The following GOLGA4 variants were observed in gnomAD, a reference collection of about 807,000 sequenced individuals.
GOLGA4 encodes golgin A4, also known as golgin subfamily A member 4.
A neutral mutation model predicts 265.9 loss-of-function variants in GOLGA4; 169 were observed. The observed-to-expected ratio is 0.64, with a 90% CI of 0.56 to 0.72. The LOEUF (loss-of-function observed/expected upper bound fraction) is 0.72, where lower values mean the gene tolerates loss of function less well. Among genes scored for constraint, GOLGA4 ranks in the 30% least tolerant of loss-of-function variants. The pLI is 0.00. For synonymous variants in GOLGA4, 923 were observed against 855.8 expected (o/e 1.08, Z -1.37); for missense variants, 2,482 against 2,483.4 (o/e 1.00, Z 0.01).
chr3:37,257,947 ATGTATG>A (rs1244175019), intron 2 of GOLGA4, among the ~76,000 whole-genome samples: 2 of 110,270 alleles, frequency 1.8e-5, no homozygotes, highest in African/African-American at 7.7e-5. Context: ...ATACATATAT[ATGTATG>A]TATATATGTA....
At chr3:37,276,357 G>A in intron 2 of GOLGA4, 1 of 1,607,480 alleles carries the variant, frequency 6.2e-7, no homozygotes, top group Non-Finnish European at 8.5e-7. Context: ...TTATTTGCTA[G>A]AATGACAGCA....
At position 37,327,761 on chromosome 3, in the gene GOLGA4, G is replaced by A; in HGVS notation, c.5875G>A (p.Glu1959Lys). The A allele has an allele frequency of 1.2e-6, 2 of 1,612,624 alleles. No individual in the cohort carries two copies. Among genetic ancestry groups the A allele is most frequent in the South Asian group, 1.1e-5 (1 of 90,968 alleles). ...LQKDLRMLRKEHQQELEILKK... is the reference protein window; with the variant it reads ...LQKDLRMLRKKHQQELEILKK... ...GAAAGACCTTCGAATGTTGAGAAAG[G>A]AGCATCAGCAAGAATTGGAAATACT... Residue 1959 changes from glutamate (E) to lysine (K), a missense_variant, in exon 14 of 24, where the codon GAG becomes AAG. Glu to Lys is a moderately conservative substitution (Grantham distance 56). Transcript: ENST00000361924.
At position 37,256,067 on chromosome 3, in the gene GOLGA4, A is replaced by T. The variant is rs373895295; in HGVS notation, c.162+4583A>T. Among the ~76,000 whole-genome samples, 6 of 152,182 alleles carry T rather than the reference A, an allele frequency of 3.9e-5. No homozygotes were observed. The East Asian group carries it at 5.8e-4, about 15-fold the overall frequency. ...GGAAATGGTTTTTCAATATGGTGTGAAGTAGGGATCAAGTTTCATCCCCTC... is the reference window on the plus strand; with the variant it reads ...GGAAATGGTTTTTCAATATGGTGTGTAGTAGGGATCAAGTTTCATCCCCTC... On this transcript the variant is annotated intron_variant, in intron 2 of 23. Coordinates refer to ENST00000361924, the MANE Select transcript of GOLGA4 (RefSeq NM_002078.5).
chr3:37,266,715 G>C (rs1038873131), intron 2 of GOLGA4: 33 of 331,314 alleles, frequency 1.0e-4, no homozygotes, highest in African/African-American at 6.7e-4. Context: ...TGGTGATGGT[G>C]GTACTGAAGG....
At chr3:37,309,018 A>G (rs2096915355) in intron 10 of GOLGA4, among the ~76,000 whole-genome samples, 1 of 151,606 alleles carries the variant, frequency 6.6e-6, no homozygotes, top group African/African-American at 2.4e-5. Context: ...TGGGAGGCCG[A>G]GGTGGGTGGA....
chr3:37,362,780 C>CCTTTT (rs1375290747), intron 23 of GOLGA4, among the ~76,000 whole-genome samples: 24 of 75,458 alleles, frequency 3.2e-4, no homozygotes, highest in African/African-American at 1.1e-3. Context: ...AGCCTCTAAG[C>CCTTTT]TTTTTTTTTT....
chr3:37,313,963 G>GT (rs2096930031), intron 10 of GOLGA4, among the ~76,000 whole-genome samples: 1 of 137,116 alleles, frequency 7.3e-6, no homozygotes, highest in Non-Finnish European at 1.6e-5. Context: ...AAACACACAT[G>GT]TATTTTTTTT....
chr3:37,299,326 G>C lies in GOLGA4; in HGVS notation c.1041G>C (p.Gln347His). ...HMAEKTKLITQLRDAKNLIEQ... is the reference protein window; with the variant it reads ...HMAEKTKLITHLRDAKNLIEQ... ...CCGAGAAGACTAAACTTATCACTCA[G>C]TTGCGTGATGCAAAGAACTTAATTG... Residue 347 changes from glutamine to histidine, a missense_variant, in exon 9 of 24, where the codon CAG becomes CAC. Gln to His is a conservative substitution (Grantham distance 24). Coordinates refer to ENST00000361924, the MANE Select transcript of GOLGA4 (RefSeq NM_002078.5). 1 of 1,613,224 alleles carries C rather than the reference G, an allele frequency of 6.2e-7. No homozygotes were observed. The highest frequency in any genetic ancestry group is 8.5e-7 in the Non-Finnish European group (1 of 1,179,256).
intron 4 of GOLGA4, among the ~76,000 whole-genome samples, chr3:37,286,733 T>G (rs1239428506): frequency 6.6e-6 from 1 of 152,234 alleles, no homozygotes; most frequent in Non-Finnish European, 1.5e-5. Context: ...TTCTATGCTT[T>G]CCTTCTGCTT....
At chr3:37,295,163 A>C in intron 6 of GOLGA4, 86 bp downstream of exon 6, 1 of 713,146 alleles carries the variant, frequency 1.4e-6, no homozygotes, top group Admixed American at 3.1e-5. Flanking sequence ...AGGTTGCAAA[A>C]GTTTTTTCTT....
intron 14 of GOLGA4, among the ~76,000 whole-genome samples, 164 bp from the exon 15 acceptor site, chr3:37,328,252 A>G (rs1446242063): frequency 6.9e-6 from 1 of 144,128 alleles, no homozygotes; most frequent in Non-Finnish European, 1.6e-5. Context: ...ACACACACAC[A>G]CACACACACA....
chr3:37,294,242 G>A (rs1243597902), intron 5 of GOLGA4, among the ~76,000 whole-genome samples: 1 of 152,116 alleles, frequency 6.6e-6, no homozygotes, highest in Admixed American at 6.6e-5. Flanking sequence ...GTTTGGTTTC[G>A]ACTATCAGAC....
intron 1 of GOLGA4, chr3:37,243,895 C>A (rs532343916): frequency 6.1e-6 from 3 of 492,444 alleles, no homozygotes; most frequent in Non-Finnish European, 1.1e-5. Flanking sequence ...AGAGTTTTCT[C>A]CTAAGGCCAG....
chr3:37,255,061 A>G (rs2096744787), intron 2 of GOLGA4, among the ~76,000 whole-genome samples: 1 of 151,706 alleles, frequency 6.6e-6, no homozygotes, highest in African/African-American at 2.4e-5. Flanking sequence ...AAAATGATAA[A>G]GTTTGATTTG....
intron 9 of GOLGA4, among the ~76,000 whole-genome samples, chr3:37,300,338 C>G (rs186874214): frequency 6.6e-6 from 1 of 152,042 alleles, no homozygotes; most frequent in Admixed American, 6.6e-5. Flanking sequence ...TTTAATATGC[C>G]GGGTTATCAC....
intron 11 of GOLGA4, among the ~76,000 whole-genome samples, chr3:37,318,658 T>C (rs568801023): frequency 5.3e-5 from 8 of 152,294 alleles, no homozygotes; most frequent in African/African-American, 1.7e-4. Flanking sequence ...ACAAGGCCTG[T>C]ACCTTTTAAT....
intron 11 of GOLGA4, among the ~76,000 whole-genome samples, chr3:37,316,751 TTGAGTA>T (rs2096938645): frequency 6.6e-6 from 1 of 152,172 alleles, no homozygotes; most frequent in African/African-American, 2.4e-5. Context: ...ATTTTCCTTT[TTGAGTA>T]TATTTCCCAG....
intron 10 of GOLGA4, among the ~76,000 whole-genome samples, chr3:37,306,662 AT>A (rs756109819): frequency 4.0e-5 from 6 of 151,826 alleles, no homozygotes; most frequent in Admixed American, 6.6e-5. Flanking sequence ...GTTTTCTCTA[AT>A]TTTTTTTAAT....
At chr3:37,318,995 T>G in intron 11 of GOLGA4, 68 bp from the exon 12 acceptor site, 1 of 1,046,712 alleles carries the variant, frequency 9.6e-7, no homozygotes, top group South Asian at 1.8e-5. Context: ...TATAATAGTA[T>G]TATTTAGTTG....
Sources: allele counts gnomAD v4.1 joint callset (sites outside exome capture counted in the v4.1 genomes callset), GRCh38; gene constraint gnomAD v4.1.1; transcripts MANE v1.5; gene names NCBI Gene and HGNC (gene_info 2026-07-23, HGNC 2026-07-21).